The following NTM variants were observed in gnomAD, a reference collection of about 807,000 sequenced individuals.
NTM encodes the protein IgLON family member 2.
A neutral mutation model predicts 42.1 loss-of-function variants in NTM; 13 were observed. The ratio of observed to expected loss-of-function variants is 0.31; its 90% CI spans 0.20 to 0.49. The LOEUF is 0.49. Ranked by LOEUF, NTM falls within the 20% of genes least tolerant of loss-of-function variation. The probability of loss-of-function intolerance (pLI) is 0.99; values close to 1 mark genes in which losing one functional copy is unlikely to be tolerated. For synonymous variants in NTM, 187 were observed against 179.2 expected (o/e 1.04, Z -0.35); for missense variants, 373 against 452.8 (o/e 0.82, Z 1.60).
chr11:132,321,840 C>A (rs2095575584), intron 7 of NTM, among the ~76,000 whole-genome samples: 1 of 149,632 alleles, frequency 6.7e-6, no homozygotes, highest in South Asian at 2.2e-4. Context: ...TCGGCAGAAA[C>A]CCTACAAGCC....
intron 1 of NTM, chr11:131,794,946 A>G (rs1056958211): frequency 2.0e-6 from 2 of 984,994 alleles, no homozygotes; most frequent in African/African-American, 3.5e-5. Flanking sequence ...GGGAACCTGA[A>G]CCCGCATGTC....
intron 2 of NTM, among the ~76,000 whole-genome samples, chr11:132,140,443 T>A (rs375891546): frequency 6.6e-6 from 1 of 152,228 alleles, no homozygotes; most frequent in Admixed American, 6.5e-5. Flanking sequence ...CGTTTTCTTA[T>A]GTCATGCAAA....
intron 1 of NTM, among the ~76,000 whole-genome samples, chr11:131,896,620 GA>G (rs1340871797): frequency 2.7e-5 from 4 of 150,430 alleles, no homozygotes; most frequent in Non-Finnish European, 4.4e-5. Context: ...GAGAATTAGC[GA>G]ATATTAAAAC....
chr11:131,509,799 G>A (rs1023094952), intron 1 of NTM, among the ~76,000 whole-genome samples: 2 of 152,224 alleles, frequency 1.3e-5, no homozygotes, highest in Admixed American at 1.3e-4. Flanking sequence ...AAGAGGTAAA[G>A]GAGACCTGTG....
chr11:132,122,258 T>G (rs1187689905), intron 2 of NTM, among the ~76,000 whole-genome samples: 1 of 152,086 alleles, frequency 6.6e-6, no homozygotes, highest in East Asian at 1.9e-4. Flanking sequence ...AGAAATGAGA[T>G]AAATAAACAA....
At chr11:131,543,999 C>T (rs1218659075) in intron 1 of NTM, among the ~76,000 whole-genome samples, 84 of 152,308 alleles carry the variant, frequency 5.5e-4, no homozygotes, top group Non-Finnish European at 8.8e-5. Flanking sequence ...AGGCTAGGTC[C>T]TCTTCTTGCA....
intron 1 of NTM, among the ~76,000 whole-genome samples, chr11:131,746,383 C>T (rs184585942): frequency 6.6e-6 from 1 of 152,276 alleles, no homozygotes; most frequent in African/African-American, 2.4e-5. Context: ...GAGCTCTCCA[C>T]TGACTTGTGT....
intron 4 of NTM, among the ~76,000 whole-genome samples, chr11:132,268,602 T>C (rs973442246): frequency 3.3e-5 from 5 of 151,472 alleles, no homozygotes; most frequent in Admixed American, 6.6e-5. Context: ...ATGTGTGGAG[T>C]GTGGTCTCCT....
intron 1 of NTM, among the ~76,000 whole-genome samples, chr11:131,710,400 G>T (rs963983094): frequency 2.0e-5 from 3 of 152,068 alleles, no homozygotes; most frequent in African/African-American, 7.2e-5. Context: ...CACCAAGCGG[G>T]TCCATGTTCC....
chr11:131,871,275 A>G (rs1289210219), intron 1 of NTM, among the ~76,000 whole-genome samples: 1 of 152,186 alleles, frequency 6.6e-6, no homozygotes, highest in Non-Finnish European at 1.5e-5. Flanking sequence ...GTGGTGCTGG[A>G]TACATTTCTT....
At chr11:131,930,720 A>G (rs1030733053) in intron 2 of NTM, among the ~76,000 whole-genome samples, 3 of 152,136 alleles carry the variant, frequency 2.0e-5, no homozygotes, top group Non-Finnish European at 2.9e-5. Flanking sequence ...ACTTTTACCA[A>G]ATATATAATT....
chr11:131,939,614 G>C (rs2059587606), intron 2 of NTM, among the ~76,000 whole-genome samples: 1 of 152,108 alleles, frequency 6.6e-6, no homozygotes, highest in South Asian at 2.1e-4. Flanking sequence ...CAGAGGGCTG[G>C]CACACCTTTG....
At chr11:131,769,031 G>A (rs2085603114) in intron 1 of NTM, among the ~76,000 whole-genome samples, 1 of 152,316 alleles carries the variant, frequency 6.6e-6, no homozygotes, top group East Asian at 1.9e-4. Flanking sequence ...CTTCATGTCT[G>A]TAAAAGCAGG....
At chr11:131,979,644 G>A (rs887601064) in intron 2 of NTM, among the ~76,000 whole-genome samples, 3 of 152,198 alleles carry the variant, frequency 2.0e-5, no homozygotes, top group Non-Finnish European at 4.4e-5. Context: ...GTTATTGTTT[G>A]AAGCTGTTTG....
intron 1 of NTM, among the ~76,000 whole-genome samples, chr11:131,481,741 C>A (rs1953618883): frequency 6.6e-6 from 1 of 152,184 alleles, no homozygotes; most frequent in Non-Finnish European, 1.5e-5. Context: ...ATGAGCTCTG[C>A]ATTGTTAACA....
intron 1 of NTM, among the ~76,000 whole-genome samples, chr11:131,715,665 C>A (rs1384441236): frequency 6.6e-6 from 1 of 152,142 alleles, no homozygotes; most frequent in African/African-American, 2.4e-5. Flanking sequence ...TCTATCCCCT[C>A]CCCCAGCTTC....
chr11:131,518,457 T>C (rs1342239340), intron 1 of NTM, among the ~76,000 whole-genome samples: 1 of 152,176 alleles, frequency 6.6e-6, no homozygotes, highest in African/African-American at 2.4e-5. Flanking sequence ...GAAATTATGT[T>C]ATAAATGGTT....
chr11:132,105,356 T>C (rs1374819558), intron 2 of NTM, among the ~76,000 whole-genome samples: 1 of 152,086 alleles, frequency 6.6e-6, no homozygotes, highest in Admixed American at 6.6e-5. Flanking sequence ...TGTCTGCTTA[T>C]TAATATAGTA....
intron 4 of NTM, among the ~76,000 whole-genome samples, chr11:132,245,809 T>G (rs2091036205): frequency 6.6e-6 from 1 of 152,092 alleles, no homozygotes; most frequent in South Asian, 2.1e-4. Flanking sequence ...CCTCTCCTCT[T>G]TCTTAGGAGT....
Sources: allele counts gnomAD v4.1 joint callset (sites outside exome capture counted in the v4.1 genomes callset), GRCh38; gene constraint gnomAD v4.1.1; transcripts MANE v1.5; gene names NCBI Gene and HGNC (gene_info 2026-07-23, HGNC 2026-07-21).